The following HSF1 variants were observed in gnomAD, a reference collection of about 807,000 sequenced individuals.
The protein encoded by HSF1 is heat shock factor protein 1.
In HSF1, 32 loss-of-function variants were observed where a neutral mutation model predicts 51.7. The observed-to-expected ratio is 0.62, with a 90% CI of 0.47 to 0.83. HSF1 has a LOEUF of 0.83. HSF1 is among the 40% of genes least tolerant of loss of function. The pLI, the probability that HSF1 is intolerant of heterozygous loss-of-function variation, is 0.00. For synonymous variants in HSF1, 396 were observed against 309.7 expected (o/e 1.28, Z -2.92); for missense variants, 727 against 717.0 (o/e 1.01, Z -0.16).
In HSF1 at chr8:144,313,507, C is replaced by G. The variant is rs1219367854; in HGVS notation, c.1143-4C>G. ...GGTTCAGGTACCGCCTTATCCCGGGCCAGGAATGAGCTCAGTGACCACTTG... is the reference window on the plus strand; with the variant it reads ...GGTTCAGGTACCGCCTTATCCCGGGGCAGGAATGAGCTCAGTGACCACTTG... On this transcript the variant is annotated splice_polypyrimidine_tract_variant and splice_region_variant and intron_variant, in intron 9 of 12. Transcript: ENST00000528838. 6.2e-7 allele frequency: 1 copy of G among 1,601,144 alleles called. No homozygotes were observed. The highest frequency in any genetic ancestry group is 1.7e-5 in the Admixed American group (1 of 59,932).
chr8:144,296,580 C>T (rs1193690289), intron 1 of HSF1, among the ~76,000 whole-genome samples: 1 of 152,096 alleles, frequency 6.6e-6, no homozygotes, highest in Non-Finnish European at 1.5e-5. Flanking sequence ...GGGCGGATCA[C>T]GAGATCAGGA....
Position 144,313,856 on chromosome 8 carries a change from C to T in HSF1, c.1259C>T (p.Pro420Leu), listed in dbSNP as rs1554845806. The change falls in exon 11 of 13, where the codon CCC (proline) becomes CTC (leucine). Residue 420 changes from proline (P) to leucine (L), a missense_variant. This residue lies in a region of HSF1 where 470 missense variants were observed against 398.8 expected (regional missense o/e 1.18). Coordinates refer to ENST00000528838, the MANE Select transcript of HSF1 (RefSeq NM_005526.4). The part of the protein sequence containing the change: ...DTSALLDLFS[P>L]SVTVPDMSLP... ...CTCCCTCCTCCGCAGCTGTTCAGCCCCTCGGTGACCGTGCCCGACATGAGC... is the reference window on the plus strand; with the variant it reads ...CTCCCTCCTCCGCAGCTGTTCAGCCTCTCGGTGACCGTGCCCGACATGAGC... 3.8e-6 allele frequency: 6 copies of T among 1,599,968 alleles called. No individual in the cohort carries two copies. The highest frequency in any genetic ancestry group is 1.4e-5 in the African/African-American group (1 of 71,278).
At chr8:144,295,560 CT>C (rs1564610471) in intron 1 of HSF1, among the ~76,000 whole-genome samples, 1 of 152,182 alleles carries the variant, frequency 6.6e-6, no homozygotes, top group Non-Finnish European at 1.5e-5. Context: ...TAAGGAAGCA[CT>C]TTTTGTTTTT....
chr8:144,311,156 C>T lies in HSF1; in HGVS notation c.489-18C>T. 2 of 1,585,002 alleles carry T rather than the reference C, an allele frequency of 1.3e-6. No individual in the cohort carries two copies. The highest frequency in any genetic ancestry group is 1.1e-5 in the South Asian group (1 of 87,820). ...CTCATGGGATTGGGCCCCACTGACC[C>T]AGCCTGGTCTGTTGCAGTGAGAATG... On this transcript the variant is annotated intron_variant, in intron 4 of 12. Transcript: ENST00000528838.
chr8:144,292,170 G>A (rs1269274994), intron 1 of HSF1, among the ~76,000 whole-genome samples: 2 of 152,244 alleles, frequency 1.3e-5, no homozygotes, highest in African/African-American at 4.8e-5. Context: ...ACTGTTGGGC[G>A]GTTGCGGAAG....
intron 1 of HSF1, chr8:144,293,465 G>A (rs1399639584): frequency 6.8e-6 from 1 of 146,780 alleles, no homozygotes; most frequent in Non-Finnish European, 1.5e-5. Context: ...TTTTTAGACC[G>A]AGTCTTGCTC....
At chr8:144,296,367 C>T (rs1179752326) in intron 1 of HSF1, among the ~76,000 whole-genome samples, 1 of 152,240 alleles carries the variant, frequency 6.6e-6, no homozygotes, top group Non-Finnish European at 1.5e-5. Flanking sequence ...AGCAGGCCCA[C>T]TGGCCCCACC....
chr8:144,298,801 A>G (rs1435420644), intron 1 of HSF1, among the ~76,000 whole-genome samples: 2 of 152,232 alleles, frequency 1.3e-5, no homozygotes, highest in African/African-American at 4.8e-5. Flanking sequence ...AAAGAGCTCC[A>G]GCAATCTGCG....
At chr8:144,307,626 C>T (rs1361026047) in intron 1 of HSF1, among the ~76,000 whole-genome samples, 1 of 152,048 alleles carries the variant, frequency 6.6e-6, no homozygotes, top group Non-Finnish European at 1.5e-5. Context: ...GTCAGCTACT[C>T]GGGAGGCTGA....
intron 2 of HSF1, 28 bp downstream of exon 2, chr8:144,309,042 G>T: frequency 1.3e-6 from 2 of 1,527,654 alleles, no homozygotes; most frequent in Non-Finnish European, 1.8e-6. Flanking sequence ...GCAGCGCAGG[G>T]GTGCGGGAGG....
chr8:144,300,552 C>G (rs1342680608), intron 1 of HSF1, among the ~76,000 whole-genome samples: 3 of 152,172 alleles, frequency 2.0e-5, no homozygotes, highest in Non-Finnish European at 4.4e-5. Flanking sequence ...AGCACTCTAC[C>G]TCTTTGATCT....
intron 1 of HSF1, among the ~76,000 whole-genome samples, chr8:144,301,031 G>A (rs1303336236): frequency 2.6e-5 from 4 of 152,156 alleles, no homozygotes; most frequent in Non-Finnish European, 5.9e-5. Flanking sequence ...GGGAGAAAAA[G>A]GACTGCAAAA....
chr8:144,311,418 G>T (rs1224079854), intron 6 of HSF1, 36 bp downstream of exon 6: 19 of 1,613,322 alleles, frequency 1.2e-5, no homozygotes, highest in Non-Finnish European at 1.6e-5. Flanking sequence ...CACCACCCGG[G>T]GCCCAGGGCT....
At chr8:144,313,319 G>A (rs558243694) in intron 9 of HSF1, 192 bp from the exon 10 acceptor site, 581 of 552,328 alleles carry the variant, frequency 1.1e-3, no homozygotes, top group Admixed American at 3.0e-3. Flanking sequence ...AGGCCCAGCC[G>A]CACCCCTGCA....
chr8:144,309,061 C>G (rs1554843784), intron 2 of HSF1, 47 bp downstream of exon 2: 1 of 1,394,220 alleles, frequency 7.2e-7, no homozygotes, highest in East Asian at 2.3e-5. Context: ...GGCAGACCTG[C>G]AGATGGCGGG....
At chr8:144,313,261 A>G in intron 9 of HSF1, 1 of 517,260 alleles carries the variant, frequency 1.9e-6, no homozygotes, top group Non-Finnish European at 3.5e-6. Flanking sequence ...TCCTGGGTCC[A>G]CTGCCACCAA....
chr8:144,306,676 T>G (rs1816248919), intron 1 of HSF1, among the ~76,000 whole-genome samples: 1 of 152,176 alleles, frequency 6.6e-6, no homozygotes, highest in Admixed American at 6.6e-5. Flanking sequence ...AAACTGGAAC[T>G]CTCATCGGTT....
chr8:144,293,092 C>G (rs569887641), intron 1 of HSF1, among the ~76,000 whole-genome samples: 5 of 152,362 alleles, frequency 3.3e-5, no homozygotes, highest in African/African-American at 1.2e-4. Flanking sequence ...CTGAGTGCCT[C>G]CCATTTGCAC....
chr8:144,314,063 A>AGTCCCACCG lies in HSF1; in HGVS notation c.1384+11_1384+19dup, dbSNP rs782570177. 6.2e-7 allele frequency: 1 copy of AGTCCCACCG among 1,608,452 alleles called. No individual in the cohort carries two copies. Among genetic ancestry groups the AGTCCCACCG allele is most frequent in the Non-Finnish European group, 8.5e-7 (1 of 1,178,488 alleles). On this transcript the variant is annotated intron_variant, in intron 12 of 12. Coordinates refer to ENST00000528838, the MANE Select transcript of HSF1 (RefSeq NM_005526.4). ...CAGCAGCCCGGATTCAGGTGAGCCA[A>AGTCCCACCG]GTCCCACCGGCCCCACCTCTGCCCC...
Sources: allele counts gnomAD v4.1 joint callset (sites outside exome capture counted in the v4.1 genomes callset), GRCh38; gene constraint gnomAD v4.1.1; regional missense constraint gnomAD v4.1.1; transcripts MANE v1.5; gene names NCBI Gene and HGNC (gene_info 2026-07-23, HGNC 2026-07-21).